Variants in KCNIP1 observed in about 807,000 individuals in gnomAD.
The protein encoded by KCNIP1 is A-type potassium channel modulatory protein KCNIP1.
Under a neutral mutation model 33.0 loss-of-function variants are expected in KCNIP1, and 18 were observed. That is an observed-to-expected ratio of 0.55 (90% CI 0.38 to 0.81). KCNIP1 has a LOEUF of 0.81. KCNIP1 is among the 30% of genes least tolerant of loss of function. The pLI, the probability that KCNIP1 is intolerant of heterozygous loss-of-function variation, is 0.00. For missense variants in KCNIP1, 238 were observed against 271.6 expected, an observed-to-expected ratio of 0.88 and a Z score of 0.87; for synonymous variants, 93 against 98.3, an observed-to-expected ratio of 0.95 and a Z score of 0.32.
chr5:170,373,531 T>C (rs77943622), intron 1 of KCNIP1, among the ~76,000 whole-genome samples: 2,832 of 152,342 alleles, frequency 0.019, 78 homozygotes, highest in African/African-American at 0.064. Context: ...GGTAAAAATA[T>C]TTAATTTGAA....
chr5:170,722,995 C>T (rs985776810), intron 5 of KCNIP1, among the ~76,000 whole-genome samples, 175 bp downstream of exon 5: 3 of 152,140 alleles, frequency 2.0e-5, no homozygotes, highest in Non-Finnish European at 2.9e-5. Flanking sequence ...CCTACCCTGC[C>T]CTGTTCCCAA....
intron 1 of KCNIP1, among the ~76,000 whole-genome samples, chr5:170,544,254 AAATAAT>A (rs894408190): frequency 6.6e-6 from 1 of 151,952 alleles, no homozygotes; most frequent in African/African-American, 2.4e-5. Flanking sequence ...TTTCTACTAA[AAATAAT>A]AATAATAATA....
At chr5:170,715,178 C>A (rs879719749) in intron 1 of KCNIP1, among the ~76,000 whole-genome samples, 7 of 152,146 alleles carry the variant, frequency 4.6e-5, no homozygotes, top group Non-Finnish European at 1.0e-4. Flanking sequence ...GTATTCAGTA[C>A]AATAACACAC....
At chr5:170,458,743 G>A (rs1042863296) in intron 1 of KCNIP1, among the ~76,000 whole-genome samples, 11 of 152,042 alleles carry the variant, frequency 7.2e-5, no homozygotes, top group South Asian at 4.1e-4. Context: ...AAAACAGAAC[G>A]TCTTTAAGGC....
At chr5:170,407,315 G>A (rs1755061919) in intron 1 of KCNIP1, among the ~76,000 whole-genome samples, 1 of 152,248 alleles carries the variant, frequency 6.6e-6, no homozygotes, top group Non-Finnish European at 1.5e-5. Context: ...CACAACTAAG[G>A]TGGGTGCAGC....
intron 1 of KCNIP1, among the ~76,000 whole-genome samples, chr5:170,715,330 C>T (rs753914985): frequency 1.1e-4 from 17 of 152,150 alleles, no homozygotes; most frequent in African/African-American, 9.7e-5. Flanking sequence ...TTTCTCAGAG[C>T]GTATCCCTGT....
At chr5:170,481,713 G>T (rs1348439615) in intron 1 of KCNIP1, among the ~76,000 whole-genome samples, 1 of 152,176 alleles carries the variant, frequency 6.6e-6, no homozygotes, top group Non-Finnish European at 1.5e-5. Context: ...ACCTTAGTGA[G>T]GGGCCTGCAT....
At chr5:170,399,385 C>G (rs1341396653) in intron 1 of KCNIP1, among the ~76,000 whole-genome samples, 1 of 152,184 alleles carries the variant, frequency 6.6e-6, no homozygotes, top group Non-Finnish European at 1.5e-5. Flanking sequence ...TGGAGTCACT[C>G]TAGTCGCATT....
intron 1 of KCNIP1, among the ~76,000 whole-genome samples, chr5:170,407,591 G>T (rs79042744): frequency 0.12 from 18,481 of 152,252 alleles, 1,311 homozygotes; most frequent in South Asian, 0.16. Context: ...CATTTCTATA[G>T]AATGCACTTT....
At chr5:170,732,931 C>T (rs760900232) in intron 6 of KCNIP1, 27 bp downstream of exon 6, 1 of 1,418,768 alleles carries the variant, frequency 7.0e-7, no homozygotes, top group Non-Finnish European at 1.0e-6. Context: ...TGCACATGAG[C>T]TGTAAGCCCA....
At chr5:170,662,931 GC>G (rs1258853063) in intron 1 of KCNIP1, among the ~76,000 whole-genome samples, 1 of 152,212 alleles carries the variant, frequency 6.6e-6, no homozygotes, top group East Asian at 1.9e-4. Context: ...AATCTGAGTT[GC>G]AAAGTCTTCC....
intron 1 of KCNIP1, chr5:170,680,910 G>A: frequency 2.5e-6 from 1 of 396,712 alleles, no homozygotes; most frequent in Non-Finnish European, 4.4e-6. Context: ...TGGAGGGAGG[G>A]GTAGGAGTGG....
upstream of KCNIP1, among the ~76,000 whole-genome samples, chr5:170,500,442 G>A (rs114791715): frequency 2.2e-3 from 342 of 152,282 alleles, no homozygotes; most frequent in African/African-American, 7.8e-3. Context: ...GATGGGGCTG[G>A]CAAGGTCGCT....
At chr5:170,505,422 G>A (rs1355620963) in intron 1 of KCNIP1, among the ~76,000 whole-genome samples, 6 of 152,196 alleles carry the variant, frequency 3.9e-5, no homozygotes, top group Non-Finnish European at 7.3e-5. Flanking sequence ...TCAAAAGTTA[G>A]TGGTTGGAAT....
rs146539478 is a variant in KCNIP1 at position 170,535,104 on chromosome 5, G to A, written c.61+30471G>A. On this transcript the variant is annotated intron_variant, in intron 1 of 7. Coordinates refer to ENST00000328939, the MANE Select transcript of KCNIP1 (RefSeq NM_014592.4). ...ACAGCAGGGGCTGGGTCCCAGCGCC[G>A]TCTCCGCAACCTAGGAGAGGTCAGG... Among the ~76,000 whole-genome samples, 16 of 152,262 alleles carry A rather than the reference G, an allele frequency of 1.1e-4. No individual in the cohort carries two copies. The East Asian group carries it at 1.7e-3, about 17-fold the overall frequency.
At chr5:170,727,533 C>G (rs1764053488) in intron 5 of KCNIP1, among the ~76,000 whole-genome samples, 1 of 151,912 alleles carries the variant, frequency 6.6e-6, no homozygotes, top group South Asian at 2.1e-4. Flanking sequence ...AGAAGACACT[C>G]AAAAAATGTG....
intron 1 of KCNIP1, among the ~76,000 whole-genome samples, chr5:170,607,751 AG>A (rs1247075816): frequency 6.6e-6 from 1 of 152,188 alleles, no homozygotes; most frequent in Non-Finnish European, 1.5e-5. Context: ...GGACACTCCA[AG>A]GTCACAGAGA....
intron 1 of KCNIP1, among the ~76,000 whole-genome samples, chr5:170,453,011 A>T (rs1281634182): frequency 1.3e-5 from 2 of 152,254 alleles, no homozygotes; most frequent in East Asian, 3.8e-4. Context: ...ATTATTACTG[A>T]TTAAGTATAT....
At chr5:170,533,970 C>G (rs1025389512) in intron 1 of KCNIP1, among the ~76,000 whole-genome samples, 1 of 152,222 alleles carries the variant, frequency 6.6e-6, no homozygotes, top group Non-Finnish European at 1.5e-5. Context: ...CTCATGCATT[C>G]ATTCAGTTTG....
Sources: allele counts gnomAD v4.1 joint callset (sites outside exome capture counted in the v4.1 genomes callset), GRCh38; gene constraint gnomAD v4.1.1; transcripts MANE v1.5; gene names NCBI Gene and HGNC (gene_info 2026-07-23, HGNC 2026-07-21).